The following LCORL variants were observed in gnomAD, a reference collection of about 807,000 sequenced individuals.
LCORL encodes the protein ligand dependent nuclear receptor corepressor like, also known as ligand-dependent nuclear receptor corepressor-like protein.
A neutral mutation model predicts 141.8 loss-of-function variants in LCORL; 41 were observed. The ratio of observed to expected loss-of-function variants is 0.29; its 90% CI spans 0.23 to 0.38. The LOEUF (loss-of-function observed/expected upper bound fraction) is 0.38, where lower values mean the gene tolerates loss of function less well. Among genes scored for constraint, LCORL ranks in the 10% least tolerant of loss-of-function variants. The pLI, the probability that LCORL is intolerant of heterozygous loss-of-function variation, is 1.00. For synonymous variants in LCORL, 618 were observed against 694.1 expected, an observed-to-expected ratio of 0.89 and a Z score of 1.72; for missense variants, 1,759 against 2,035.0, an observed-to-expected ratio of 0.86 and a Z score of 2.61.
intron 1 of LCORL, among the ~76,000 whole-genome samples, chr4:17,997,402 G>C (rs1447142801): frequency 6.6e-6 from 1 of 152,148 alleles, no homozygotes; most frequent in African/African-American, 2.4e-5. Flanking sequence ...TACTGCCTTT[G>C]TATTACCCTC....
At chr4:17,849,318 T>A (rs1308094676) in intron 7 of LCORL, among the ~76,000 whole-genome samples, 5 of 152,220 alleles carry the variant, frequency 3.3e-5, no homozygotes, top group African/African-American at 1.2e-4. Flanking sequence ...GGTACTCCTC[T>A]GAGACAAAAC....
intron 6 of LCORL, among the ~76,000 whole-genome samples, chr4:17,878,920 G>C (rs1727209831): frequency 6.6e-6 from 1 of 150,746 alleles, no homozygotes; most frequent in Admixed American, 6.6e-5. Context: ...CTAAGAACCG[G>C]GCTTGCTTAT....
chr4:17,961,427 A>C (rs772609103), intron 4 of LCORL, among the ~76,000 whole-genome samples: 6 of 152,094 alleles, frequency 3.9e-5, no homozygotes, highest in Non-Finnish European at 8.8e-5. Flanking sequence ...ATGTCTACTA[A>C]GCAAATTAAA....
At chr4:18,010,478 C>T (rs1723557312) in intron 1 of LCORL, among the ~76,000 whole-genome samples, 1 of 151,762 alleles carries the variant, frequency 6.6e-6, no homozygotes, top group Non-Finnish European at 1.5e-5. Context: ...GAGATGGAGT[C>T]TTGCTCTGTT....
At chr4:17,907,277 C>T (rs1410538427) in intron 5 of LCORL, among the ~76,000 whole-genome samples, 4 of 152,086 alleles carry the variant, frequency 2.6e-5, no homozygotes, top group African/African-American at 9.7e-5. Flanking sequence ...GTAGACAGTG[C>T]GGTGAGAGTA....
intron 1 of LCORL, among the ~76,000 whole-genome samples, chr4:17,985,048 T>C (rs1419823986): frequency 1.3e-5 from 2 of 152,064 alleles, no homozygotes; most frequent in African/African-American, 2.4e-5. Flanking sequence ...CAAGAGCACG[T>C]TGTTTAATTT....
chr4:17,869,844 A>G (rs1726122412), intron 7 of LCORL, among the ~76,000 whole-genome samples: 1 of 152,156 alleles, frequency 6.6e-6, no homozygotes, highest in Admixed American at 6.5e-5. Context: ...AGAGCATTCT[A>G]TCTTAGTAGA....
chr4:17,998,985 A>AAAAAAAAAAAAATATAT (rs1374815646), intron 1 of LCORL, among the ~76,000 whole-genome samples: 3 of 57,892 alleles, frequency 5.2e-5, no homozygotes, highest in Admixed American at 2.6e-4. Context: ...AAAAAAAAAA[A>AAAAAAAAAAAAATATAT]ATATATATAT....
intron 4 of LCORL, among the ~76,000 whole-genome samples, chr4:17,921,049 A>G (rs1410137411): frequency 6.6e-6 from 1 of 151,942 alleles, no homozygotes; most frequent in Non-Finnish European, 1.5e-5. Flanking sequence ...TTTTGAGACA[A>G]AGTCTCACTC....
intron 7 of LCORL, among the ~76,000 whole-genome samples, chr4:17,850,759 C>T (rs1311048076): frequency 1.3e-5 from 2 of 151,674 alleles, no homozygotes; most frequent in African/African-American, 4.8e-5. Context: ...ACCATTTGAC[C>T]CAGCCATCCC....
At chr4:17,952,114 TA>T (rs1298573235) in intron 4 of LCORL, among the ~76,000 whole-genome samples, 3 of 152,174 alleles carry the variant, frequency 2.0e-5, no homozygotes, top group Non-Finnish European at 4.4e-5. Context: ...TACTTAAATA[TA>T]AAGTATTTTG....
chr4:17,967,389 AC>A (rs1715104490), intron 2 of LCORL, among the ~76,000 whole-genome samples: 1 of 152,108 alleles, frequency 6.6e-6, no homozygotes, highest in South Asian at 2.1e-4. Flanking sequence ...ACATAGAGTG[AC>A]CCTAATGTAA....
intron 7 of LCORL, among the ~76,000 whole-genome samples, chr4:17,861,964 T>G (rs554853630): frequency 6.6e-6 from 1 of 152,354 alleles, no homozygotes; most frequent in South Asian, 2.1e-4. Context: ...ATCAGGCTTT[T>G]GGTCAAAGCC....
At chr4:17,985,968 C>A (rs1277665029) in intron 1 of LCORL, among the ~76,000 whole-genome samples, 3 of 152,048 alleles carry the variant, frequency 2.0e-5, no homozygotes, top group African/African-American at 7.2e-5. Flanking sequence ...GTAACAAATA[C>A]CCTCAGTATT....
chr4:17,992,675 T>C (rs35362908), intron 1 of LCORL, among the ~76,000 whole-genome samples: 18,956 of 152,206 alleles, frequency 0.12, 1,304 homozygotes, highest in South Asian at 0.26. Context: ...TCTGATAACT[T>C]TGACCTCCAT....
chr4:17,951,900 T>C (rs1439077182), intron 4 of LCORL, among the ~76,000 whole-genome samples: 1 of 152,096 alleles, frequency 6.6e-6, no homozygotes, highest in Non-Finnish European at 1.5e-5. Context: ...AAGTCACAAT[T>C]GGGGAAAAGA....
chr4:18,008,081 G>A (rs1723103874), intron 1 of LCORL, among the ~76,000 whole-genome samples: 2 of 152,122 alleles, frequency 1.3e-5, no homozygotes, highest in Admixed American at 1.3e-4. Context: ...TAATTCATCT[G>A]CCATTCTTGA....
At chr4:17,971,565 A>G (rs1041991167) in intron 2 of LCORL, among the ~76,000 whole-genome samples, 1 of 151,564 alleles carries the variant, frequency 6.6e-6, no homozygotes, top group Admixed American at 6.6e-5. Flanking sequence ...CTAAAAATAC[A>G]GTGTAGTTAT....
intron 5 of LCORL, among the ~76,000 whole-genome samples, chr4:17,898,033 T>G (rs948091910): frequency 6.6e-6 from 1 of 152,114 alleles, no homozygotes; most frequent in Admixed American, 6.5e-5. Flanking sequence ...AATATAAGGT[T>G]TTTTACTTGA....
Sources: gnomAD v4.1 joint callset for allele counts (sites outside exome capture counted in the v4.1 genomes callset) on GRCh38, gnomAD v4.1.1 for gene constraint, MANE v1.5 for transcripts, NCBI Gene and HGNC (gene_info 2026-07-23, HGNC 2026-07-21) for gene names.